KIRREL3: variants seen among roughly 807,000 people sequenced by gnomAD.
KIRREL3 encodes kin of IRRE-like protein 3.
Under a neutral mutation model 89.7 loss-of-function variants are expected in KIRREL3, and 36 were observed. The ratio of observed to expected loss-of-function variants is 0.40; its 90% CI spans 0.31 to 0.53. The LOEUF is 0.53. Among genes scored for constraint, KIRREL3 ranks in the 20% least tolerant of loss-of-function variants. The probability of loss-of-function intolerance (pLI) is 0.49; values close to 1 mark genes in which losing one functional copy is unlikely to be tolerated. For synonymous variants in KIRREL3, 445 were observed against 441.4 expected (o/e 1.01, Z -0.10); for missense variants, 864 against 1,056.6 (o/e 0.82, Z 2.53).
chr11:126,484,169 C>T lies in KIRREL3; in HGVS notation c.434-10703G>A, dbSNP rs1957291283. ...GCCTGATCCCACTGAATTAGAAGCC[C>T]CCTCCCCACCTGAGCACCTCTTACA... On this transcript the variant is annotated intron_variant, in intron 4 of 16. Transcript: ENST00000525144. The surrounding 1 kb of genome is among the most constrained non-coding windows in gnomAD (Gnocchi z 5.2). Among the ~76,000 whole-genome samples, 2 of 152,144 alleles carry T rather than the reference C, an allele frequency of 1.3e-5. No homozygotes were observed. The highest frequency in any genetic ancestry group is 6.5e-5 in the Admixed American group (1 of 15,276).
At chr11:126,863,418 A>C (rs1300261385) in intron 1 of KIRREL3, among the ~76,000 whole-genome samples, 1 of 14,736 alleles carries the variant, frequency 6.8e-5, no homozygotes, top group Non-Finnish European at 1.3e-4. Flanking sequence ...TGCGTGTGTG[A>C]GCGCATGTGT....
rs1946809863 is a variant in KIRREL3 at position 126,689,763 on chromosome 11, C to T, written c.56-126851G>A. On this transcript the variant is annotated intron_variant, in intron 1 of 16. Coordinates refer to ENST00000525144, the MANE Select transcript of KIRREL3 (RefSeq NM_032531.4). This position sits in a 1 kb window ranked among gnomAD's most constrained non-coding sequence, Gnocchi z 5.2. Reference sequence around the variant, plus strand: ...CCACCTGGGTCTCAGCAGAGGCCCTCCCAAGACTGACAGGTTAGCACGGAA... The same window carrying T: ...CCACCTGGGTCTCAGCAGAGGCCCTTCCAAGACTGACAGGTTAGCACGGAA... 2.0e-5 allele frequency among the ~76,000 whole-genome samples: 3 copies of T among 152,214 alleles called. No individual in the cohort carries two copies. The South Asian group carries it at 6.2e-4, about 32-fold the overall frequency.
chr11:126,572,973 G>A (rs1327050287), intron 1 of KIRREL3, among the ~76,000 whole-genome samples: 2 of 152,194 alleles, frequency 1.3e-5, no homozygotes, highest in Non-Finnish European at 2.9e-5. Flanking sequence ...AGGGGTAGGG[G>A]GAGATGTCTG....
chr11:126,819,909 A>G (rs1429635573), intron 1 of KIRREL3, among the ~76,000 whole-genome samples: 1 of 152,206 alleles, frequency 6.6e-6, no homozygotes, highest in African/African-American at 2.4e-5. Context: ...GACTTTCCAC[A>G]CTTGATCAGG....
chr11:126,818,817 CT>C (rs1350930258), intron 1 of KIRREL3, among the ~76,000 whole-genome samples: 86 of 3,938 alleles, frequency 0.022, no homozygotes, highest in African/African-American at 0.22. Flanking sequence ...TCAGCCTCTA[CT>C]CTACCTGCAG....
chr11:126,761,414 T>C lies in KIRREL3; in HGVS notation c.56-198502A>G, dbSNP rs1262118539. ...TGCTTGTCCCCAGCAAAGGGCAGTG[T>C]CCAGAGTCCATTCTTCCTGCCTCAT... On this transcript the variant is annotated intron_variant, in intron 1 of 16. Transcript: ENST00000525144. The surrounding 1 kb of genome is among the most constrained non-coding windows in gnomAD (Gnocchi z 4.4). 6.6e-6 allele frequency among the ~76,000 whole-genome samples: 1 copy of C among 152,138 alleles called. No homozygotes were observed. The highest frequency in any genetic ancestry group is 1.5e-5 in the Non-Finnish European group (1 of 68,024).
At position 126,431,252 on chromosome 11, in the gene KIRREL3, C is replaced by G; in HGVS notation, c.1696+167G>C. 1 of 1,531,944 alleles carries G rather than the reference C, an allele frequency of 6.5e-7. No homozygotes were observed. The highest frequency in any genetic ancestry group is 8.8e-7 in the Non-Finnish European group (1 of 1,133,204). The allele number at this position is 1,531,944 out of a possible 1,614,324, so 94.9% of individuals were successfully genotyped here. ...CCCACTCTGCCAGGCGCCATGTTGC[C>G]CAGGCTCACATACACCGATGCATCA... On this transcript the variant is annotated intron_variant, in intron 14 of 16. Transcript: ENST00000525144. The surrounding 1 kb of genome is among the most constrained non-coding windows in gnomAD (Gnocchi z 7.1).
chr11:126,470,737 T>C (rs1156895761), intron 5 of KIRREL3, among the ~76,000 whole-genome samples: 1 of 152,262 alleles, frequency 6.6e-6, no homozygotes, highest in East Asian at 1.9e-4. Context: ...GGGGACCGGC[T>C]TGCCCTAGGA....
At chr11:126,702,738 C>T (rs1947359778) in intron 1 of KIRREL3, among the ~76,000 whole-genome samples, 1 of 152,240 alleles carries the variant, frequency 6.6e-6, no homozygotes, top group Non-Finnish European at 1.5e-5. Context: ...GTGCACCCCG[C>T]TGTATCTCTG....
In KIRREL3 at chr11:126,994,705, T is replaced by A. The variant is rs1157749941; in HGVS notation, c.55+5750A>T. On this transcript the variant is annotated intron_variant, in intron 1 of 16. Coordinates refer to ENST00000525144, the MANE Select transcript of KIRREL3 (RefSeq NM_032531.4). The surrounding 1 kb of genome is among the most constrained non-coding windows in gnomAD (Gnocchi z 5.2). ...AGCTCCTTCAGTGAGTTAGAAGCTA[T>A]GAGTGAATGAAAGTTAACGTGCAGT... Among the ~76,000 whole-genome samples the A allele has an allele frequency of 1.3e-5, 2 of 152,144 alleles. No individual in the cohort carries two copies.
intron 1 of KIRREL3, among the ~76,000 whole-genome samples, chr11:126,881,701 C>A (rs1945504444): frequency 6.6e-6 from 1 of 152,112 alleles, no homozygotes; most frequent in Non-Finnish European, 1.5e-5. Flanking sequence ...GTACCCACCA[C>A]CATACTCGGC....
intron 12 of KIRREL3, among the ~76,000 whole-genome samples, chr11:126,436,599 G>A (rs369720846): frequency 6.6e-6 from 1 of 152,356 alleles, no homozygotes; most frequent in African/African-American, 2.4e-5. Context: ...TCCCTTTCTT[G>A]GTTCCTGGTG....
chr11:126,448,279 C>CAA (rs55787866), intron 8 of KIRREL3, among the ~76,000 whole-genome samples: 32 of 95,206 alleles, frequency 3.4e-4, no homozygotes, highest in African/African-American at 4.5e-4. Flanking sequence ...GAGACTGTCT[C>CAA]AAAAAAAAAA....
chr11:126,618,142 T>C (rs1292827480), intron 1 of KIRREL3, among the ~76,000 whole-genome samples: 1 of 152,226 alleles, frequency 6.6e-6, no homozygotes, highest in Non-Finnish European at 1.5e-5. Flanking sequence ...CTCCTCCTGC[T>C]CTGGCCATGT....
intron 1 of KIRREL3, among the ~76,000 whole-genome samples, chr11:126,809,347 C>T (rs1366131967): frequency 6.6e-6 from 1 of 152,102 alleles, no homozygotes; most frequent in African/African-American, 2.4e-5. Flanking sequence ...AATCCAATGA[C>T]CATTTATTTA....
At chr11:126,745,739 G>A (rs890525893) in intron 1 of KIRREL3, among the ~76,000 whole-genome samples, 1 of 152,216 alleles carries the variant, frequency 6.6e-6, no homozygotes, top group African/African-American at 2.4e-5. Context: ...TGTCTCTCTG[G>A]ATTCTTTTGA....
At position 126,594,059 on chromosome 11, in the gene KIRREL3, C is replaced by G. The variant is rs375441759; in HGVS notation, c.56-31147G>C. 1.3e-5 allele frequency among the ~76,000 whole-genome samples: 2 copies of G among 152,160 alleles called. No homozygotes were observed. Among genetic ancestry groups the G allele is most frequent in the South Asian group, 4.1e-4 (2 of 4,828 alleles). ...TTCTGCTTTATTGGGGAAAAGAAATCACATCCCCAGGCTCCCTTCCCTCTG... is the reference window on the plus strand; with the variant it reads ...TTCTGCTTTATTGGGGAAAAGAAATGACATCCCCAGGCTCCCTTCCCTCTG... On this transcript the variant is annotated intron_variant, in intron 1 of 16. Transcript: ENST00000525144. This position sits in a 1 kb window ranked among gnomAD's most constrained non-coding sequence, Gnocchi z 5.0.
At chr11:126,820,081 G>A (rs1462229020) in intron 1 of KIRREL3, among the ~76,000 whole-genome samples, 2 of 152,142 alleles carry the variant, frequency 1.3e-5, no homozygotes, top group Non-Finnish European at 2.9e-5. Context: ...CAGATGCTAG[G>A]CACTATTCTA....
At chr11:126,951,310 G>A (rs1948767212) in intron 1 of KIRREL3, among the ~76,000 whole-genome samples, 1 of 152,128 alleles carries the variant, frequency 6.6e-6, no homozygotes, top group Non-Finnish European at 1.5e-5. Flanking sequence ...AGATGCTCTG[G>A]GTATTTGATA....
Sources: allele counts gnomAD v4.1 joint callset (sites outside exome capture counted in the v4.1 genomes callset), GRCh38; gene constraint gnomAD v4.1.1; non-coding constraint Gnocchi (gnomAD v3.1); transcripts MANE v1.5; gene names NCBI Gene and HGNC (gene_info 2026-07-23, HGNC 2026-07-21).